Variants in SOX5 observed in about 807,000 individuals in gnomAD.
SOX5 encodes the protein transcription factor SOX-5.
A neutral mutation model predicts 92.0 loss-of-function variants in SOX5; 9 were observed. That is an observed-to-expected ratio of 0.10 (90% CI 0.06 to 0.17). The LOEUF (loss-of-function observed/expected upper bound fraction) is 0.17, where lower values mean the gene tolerates loss of function less well. SOX5 is among the 10% of genes least tolerant of loss of function. The probability of loss-of-function intolerance (pLI) is 1.00; values close to 1 mark genes in which losing one functional copy is unlikely to be tolerated. For synonymous variants in SOX5, 344 were observed against 336.3 expected, an observed-to-expected ratio of 1.02 and a Z score of -0.25; for missense variants, 642 against 944.5, an observed-to-expected ratio of 0.68 and a Z score of 4.20.
chr12:24,481,818 G>A (rs1005260475), intron 1 of SOX5, among the ~76,000 whole-genome samples: 1 of 152,180 alleles, frequency 6.6e-6, no homozygotes, highest in Non-Finnish European at 1.5e-5. Flanking sequence ...CACTGGGCTT[G>A]CTTCTGTGCT....
chr12:23,608,569 T>C (rs375257350), intron 8 of SOX5, among the ~76,000 whole-genome samples: 1 of 152,212 alleles, frequency 6.6e-6, no homozygotes, highest in Non-Finnish European at 1.5e-5. Context: ...TGAAAGATCA[T>C]GCTTTCTACT....
In SOX5 at chr12:24,516,361, T is replaced by G. The variant is rs139315602; in HGVS notation, c.-251+45968A>C. Among the ~76,000 whole-genome samples, 3 of 152,288 alleles carry G rather than the reference T, an allele frequency of 2.0e-5. No individual in the cohort carries two copies. The East Asian group carries it at 5.8e-4, about 29-fold the overall frequency. On this transcript the variant is annotated intron_variant, in intron 1 of 4. Transcript: ENST00000446891. ...TTGCACCCAGCCAACCATGTCAGTT[T>G]TTAATATTACAGCCCTGTGTTATCA...
chr12:24,318,872 C>T (rs370746581), intron 2 of SOX5, among the ~76,000 whole-genome samples: 32 of 152,284 alleles, frequency 2.1e-4, no homozygotes, highest in African/African-American at 7.0e-4. Flanking sequence ...TTCCATTGAT[C>T]ATCTAATCCA....
chr12:24,066,957 T>C (rs1270369148), intron 4 of SOX5, among the ~76,000 whole-genome samples: 1 of 151,970 alleles, frequency 6.6e-6, no homozygotes, highest in Admixed American at 6.6e-5. Context: ...AGGAAAAGAG[T>C]CACTTTCTGA....
chr12:23,666,549 T>C (rs1362797587), intron 6 of SOX5, among the ~76,000 whole-genome samples: 2 of 152,178 alleles, frequency 1.3e-5, no homozygotes, highest in African/African-American at 4.8e-5. Flanking sequence ...GTGAAAATGA[T>C]TATTGGTTAG....
At chr12:24,484,726 A>C (rs1234004436) in intron 1 of SOX5, among the ~76,000 whole-genome samples, 1 of 152,206 alleles carries the variant, frequency 6.6e-6, no homozygotes, top group Non-Finnish European at 1.5e-5. Flanking sequence ...CGTGTCAAAA[A>C]CATTTCTGAA....
At chr12:24,186,520 T>G (rs774414683) in intron 4 of SOX5, among the ~76,000 whole-genome samples, 5 of 151,928 alleles carry the variant, frequency 3.3e-5, no homozygotes, top group Non-Finnish European at 7.4e-5. Flanking sequence ...TTATAATAAC[T>G]CCAGGAATGG....
intron 3 of SOX5, among the ~76,000 whole-genome samples, chr12:24,222,540 A>C (rs1277479261): frequency 5.9e-5 from 9 of 152,162 alleles, no homozygotes; most frequent in Non-Finnish European, 5.9e-5. Flanking sequence ...GAGCAGATTT[A>C]ATGGAAAAAG....
chr12:24,451,500 G>T (rs1384660967), intron 1 of SOX5, among the ~76,000 whole-genome samples: 5 of 152,074 alleles, frequency 3.3e-5, no homozygotes, highest in Non-Finnish European at 7.4e-5. Context: ...TTTAACTAGG[G>T]TGAGATAATA....
At chr12:24,159,360 T>C (rs530451367) in intron 4 of SOX5, among the ~76,000 whole-genome samples, 58 of 151,946 alleles carry the variant, frequency 3.8e-4, no homozygotes, top group Non-Finnish European at 7.2e-4. Flanking sequence ...CAACTCTCTG[T>C]TCTTAAATAA....
At chr12:24,012,137 A>AC (rs398018867) in intron 4 of SOX5, among the ~76,000 whole-genome samples, 3 of 151,596 alleles carry the variant, frequency 2.0e-5, no homozygotes, top group Non-Finnish European at 2.9e-5. Flanking sequence ...CAGAAAAAAA[A>AC]CAGAAATGGT....
chr12:24,053,381 C>T (rs1167094359), intron 4 of SOX5, among the ~76,000 whole-genome samples: 3 of 152,114 alleles, frequency 2.0e-5, no homozygotes, highest in Non-Finnish European at 2.9e-5. Flanking sequence ...CTGCCCGCCT[C>T]GGGCTCCCAA....
intron 1 of SOX5, among the ~76,000 whole-genome samples, chr12:24,530,185 T>C (rs1951066233): frequency 6.6e-6 from 1 of 152,234 alleles, no homozygotes; most frequent in Admixed American, 6.5e-5. Context: ...CTAACGTCTA[T>C]TTGAATGTTA....
At chr12:24,272,656 TA>T (rs1163766275) in intron 3 of SOX5, among the ~76,000 whole-genome samples, 1 of 152,346 alleles carries the variant, frequency 6.6e-6, no homozygotes, top group Admixed American at 6.5e-5. Context: ...TTAAATTGTT[TA>T]TTTTTTTACA....
At chr12:23,549,221 G>C (rs1369409199) in intron 11 of SOX5, among the ~76,000 whole-genome samples, 2 of 151,938 alleles carry the variant, frequency 1.3e-5, no homozygotes, top group East Asian at 3.9e-4. Flanking sequence ...GTAGATTTCA[G>C]GTAAGCAGAG....
intron 4 of SOX5, among the ~76,000 whole-genome samples, chr12:23,755,092 AG>A (rs1339280621): frequency 1.3e-4 from 20 of 151,906 alleles, no homozygotes; most frequent in Non-Finnish European, 2.8e-4. Flanking sequence ...TGTTATTAGT[AG>A]GAGTTTATTA....
rs539282640 is a variant in SOX5, at chr12:24,037,159, T to C, written c.-1-141135A>G. The stretch of plus-strand genomic sequence containing the variant: ...GAGGGGGAGGGAGAAAATAAACCAT[T>C]TTTCCATCATTTGAACTCTCCCTGA... On this transcript the variant is annotated intron_variant, in intron 4 of 4. Coordinates refer to the SOX5 transcript ENST00000446891. Among the ~76,000 whole-genome samples, 30 of 152,236 alleles carry C rather than the reference T, an allele frequency of 2.0e-4. No individual in the cohort carries two copies. In the South Asian group the frequency reaches 5.8e-3, roughly 29 times the overall value.
intron 8 of SOX5, among the ~76,000 whole-genome samples, chr12:23,621,859 T>C (rs1001441166): frequency 2.0e-5 from 3 of 152,058 alleles, no homozygotes; most frequent in African/African-American, 7.2e-5. Flanking sequence ...CCGTAAAAGG[T>C]AGTTCTCTCT....
chr12:24,379,203 T>A (rs1298379893), intron 1 of SOX5, among the ~76,000 whole-genome samples: 1 of 152,186 alleles, frequency 6.6e-6, no homozygotes, highest in Non-Finnish European at 1.5e-5. Flanking sequence ...CCTTTTAAAA[T>A]GAAGAAGTTG....
Sources: gnomAD v4.1 joint callset for allele counts (sites outside exome capture counted in the v4.1 genomes callset) on GRCh38, gnomAD v4.1.1 for gene constraint, MANE v1.5 for transcripts, NCBI Gene and HGNC (gene_info 2026-07-23, HGNC 2026-07-21) for gene names.